CACNA1C: variants seen among roughly 807,000 people sequenced by gnomAD.
CACNA1C encodes the protein calcium voltage-gated channel subunit alpha1 C.
In CACNA1C, 30 loss-of-function variants were observed where a neutral mutation model predicts 229.0. The ratio of observed to expected loss-of-function variants is 0.13; its 90% CI spans 0.10 to 0.18. The LOEUF is 0.18. CACNA1C is among the 10% of genes least tolerant of loss of function. The probability of loss-of-function intolerance (pLI) is 1.00; values close to 1 mark genes in which losing one functional copy is unlikely to be tolerated. For missense variants in CACNA1C, 1,658 were observed against 2,845.0 expected, an observed-to-expected ratio of 0.58 and a Z score of 9.49; for synonymous variants, 1,114 against 1,132.5, an observed-to-expected ratio of 0.98 and a Z score of 0.33.
Position 2,665,135 on chromosome 12 carries a change from C to T in CACNA1C, c.4398+145C>T. ...AGACTAAGTTGGCAGGAGTGTCCAGCCACATGGAGAGAAAGGCAGAAAGCC... is the reference window on the plus strand; with the variant it reads ...AGACTAAGTTGGCAGGAGTGTCCAGTCACATGGAGAGAAAGGCAGAAAGCC... On this transcript the variant is annotated intron_variant, in intron 35 of 46. Coordinates refer to ENST00000399655, the MANE Select transcript of CACNA1C (RefSeq NM_000719.7). The surrounding 1 kb of genome is among the most constrained non-coding windows in gnomAD (Gnocchi z 5.9). 1 of 773,144 alleles carries T rather than the reference C, an allele frequency of 1.3e-6. No individual in the cohort carries two copies. The highest frequency in any genetic ancestry group is 1.8e-5 in the South Asian group (1 of 55,858). The allele number at this position is 773,144 out of a possible 1,614,324, so 47.9% of individuals were successfully genotyped here.
intron 29 of CACNA1C, 178 bp downstream of exon 29, chr12:2,612,191 C>A: frequency 1.7e-6 from 1 of 573,764 alleles, no homozygotes; most frequent in Non-Finnish European, 3.1e-6. Flanking sequence ...CTGAACCAGG[C>A]CAACTCCAGG....
At chr12:2,369,406 T>C (rs897263156) in intron 3 of CACNA1C, among the ~76,000 whole-genome samples, 2 of 151,284 alleles carry the variant, frequency 1.3e-5, no homozygotes, top group African/African-American at 4.8e-5. Context: ...TACATACCTT[T>C]TTTTTTTTTT....
intron 1 of CACNA1C, among the ~76,000 whole-genome samples, chr12:2,081,496 G>A (rs187867228): frequency 2.5e-3 from 386 of 152,160 alleles, no homozygotes; most frequent in African/African-American, 8.6e-3. Flanking sequence ...GCGTGAACCC[G>A]GGAGGTGGAG....
intron 4 of CACNA1C, among the ~76,000 whole-genome samples, chr12:2,449,711 C>G (rs757590025): frequency 5.3e-5 from 8 of 152,226 alleles, no homozygotes; most frequent in Non-Finnish European, 7.3e-5. Flanking sequence ...TGATGGAACC[C>G]AGGCTGCTCT....
intron 3 of CACNA1C, among the ~76,000 whole-genome samples, chr12:2,308,952 A>G (rs1410523816): frequency 6.6e-6 from 1 of 152,150 alleles, no homozygotes; most frequent in African/African-American, 2.4e-5. Flanking sequence ...AAAAAATGAA[A>G]ATAGAACTAA....
At chr12:2,388,957 G>A (rs908585473) in intron 3 of CACNA1C, among the ~76,000 whole-genome samples, 1 of 152,216 alleles carries the variant, frequency 6.6e-6, no homozygotes, top group Non-Finnish European at 1.5e-5. Flanking sequence ...AATGTAGATT[G>A]GGGTCATCAG....
At chr12:2,421,162 AT>A (rs1257341257) in intron 3 of CACNA1C, among the ~76,000 whole-genome samples, 3 of 152,214 alleles carry the variant, frequency 2.0e-5, no homozygotes, top group Non-Finnish European at 2.9e-5. Context: ...AGCAAAAAAA[AT>A]TATAGGGAAC....
At chr12:2,193,038 G>A (rs2097289616) in intron 3 of CACNA1C, among the ~76,000 whole-genome samples, 1 of 152,250 alleles carries the variant, frequency 6.6e-6, no homozygotes, top group South Asian at 2.1e-4. Context: ...TGCATTTGCA[G>A]GGTACACCCA....
chr12:2,113,822 C>T (rs371242428), intron 1 of CACNA1C, among the ~76,000 whole-genome samples: 23 of 152,244 alleles, frequency 1.5e-4, no homozygotes, highest in Non-Finnish European at 2.9e-4. Flanking sequence ...TCCAGCCTAA[C>T]AGGCCAAAGA....
chr12:2,199,640 C>A (rs2097527000), intron 3 of CACNA1C, among the ~76,000 whole-genome samples: 1 of 152,116 alleles, frequency 6.6e-6, no homozygotes, highest in Non-Finnish European at 1.5e-5. Context: ...GTCAGCGCCC[C>A]CAGTCCCCAC....
At chr12:2,227,465 T>C (rs1280955718) in intron 3 of CACNA1C, among the ~76,000 whole-genome samples, 1 of 152,218 alleles carries the variant, frequency 6.6e-6, no homozygotes, top group Non-Finnish European at 1.5e-5. Context: ...AATGCTATTG[T>C]CCTGTTAGAA....
intron 3 of CACNA1C, among the ~76,000 whole-genome samples, chr12:2,129,800 C>T (rs1055637454): frequency 1.3e-5 from 2 of 152,250 alleles, no homozygotes; most frequent in South Asian, 2.1e-4. Flanking sequence ...CATGCACCAC[C>T]CTGTTGGGGT....
chr12:2,542,735 G>C (rs1466165491), intron 9 of CACNA1C, among the ~76,000 whole-genome samples: 1 of 152,172 alleles, frequency 6.6e-6, no homozygotes, highest in African/African-American at 2.4e-5. Flanking sequence ...CAGGTCGGGG[G>C]AGACACTGGT....
chr12:2,547,035 G>A (rs2099882613), intron 9 of CACNA1C, among the ~76,000 whole-genome samples: 1 of 152,120 alleles, frequency 6.6e-6, no homozygotes. Context: ...GGGATGAAGG[G>A]GATACCAGGG....
At chr12:2,599,351 C>T (rs1391180314) in intron 21 of CACNA1C, among the ~76,000 whole-genome samples, 2 of 152,138 alleles carry the variant, frequency 1.3e-5, no homozygotes, top group African/African-American at 2.4e-5. Flanking sequence ...CGTGGCTGTC[C>T]AAGGGGGACA....
intron 3 of CACNA1C, among the ~76,000 whole-genome samples, chr12:2,207,570 G>A (rs1361851117): frequency 6.6e-6 from 1 of 152,142 alleles, no homozygotes; most frequent in Non-Finnish European, 1.5e-5. Context: ...AGTATTTTGG[G>A]AGGCTGAGGT....
At chr12:2,049,183 C>T (rs930076107), upstream of CACNA1C, 6 of 152,324 alleles carry the variant, frequency 3.9e-5, no homozygotes, top group African/African-American at 1.4e-4. Flanking sequence ...TGGTTAAGAG[C>T]GTAGGCTCTG....
chr12:2,358,892 C>T (rs577109134), intron 3 of CACNA1C, among the ~76,000 whole-genome samples: 3 of 152,060 alleles, frequency 2.0e-5, no homozygotes, highest in Non-Finnish European at 2.9e-5. Context: ...CATTTCTGTG[C>T]CTCTTCCACT....
At chr12:2,656,354 C>A (rs1277902633) in intron 34 of CACNA1C, among the ~76,000 whole-genome samples, 1 of 151,978 alleles carries the variant, frequency 6.6e-6, no homozygotes, top group Admixed American at 6.6e-5. Flanking sequence ...CATCAAAAAA[C>A]TAAAATAAAA....
Sources: allele counts gnomAD v4.1 joint callset (sites outside exome capture counted in the v4.1 genomes callset), GRCh38; gene constraint gnomAD v4.1.1; non-coding constraint Gnocchi (gnomAD v3.1); transcripts MANE v1.5; gene names NCBI Gene and HGNC (gene_info 2026-07-23, HGNC 2026-07-21).